The following TINAG variants were observed in gnomAD, a reference collection of about 807,000 sequenced individuals.
TINAG encodes tubulointerstitial nephritis antigen.
Under a neutral mutation model 72.7 loss-of-function variants are expected in TINAG, and 83 were observed. The ratio of observed to expected loss-of-function variants is 1.14; its 90% CI spans 0.96 to 1.37. The LOEUF (loss-of-function observed/expected upper bound fraction) is 1.37, where lower values mean the gene tolerates loss of function less well. TINAG is among the 40% of genes most tolerant of loss of function. TINAG has a pLI of 0.00. For missense variants in TINAG, 685 were observed against 576.6 expected (o/e 1.19, Z -1.93); for synonymous variants, 234 against 189.9 (o/e 1.23, Z -1.91).
intron 3 of TINAG, among the ~76,000 whole-genome samples, chr6:54,323,925 G>T (rs1784548373): frequency 6.6e-6 from 1 of 152,194 alleles, no homozygotes; most frequent in South Asian, 2.1e-4. Flanking sequence ...CTGCACTCCA[G>T]CCTGGGCCAC....
At chr6:54,326,568 A>G (rs1379980684) in intron 3 of TINAG, among the ~76,000 whole-genome samples, 3 of 152,124 alleles carry the variant, frequency 2.0e-5, no homozygotes, top group African/African-American at 4.8e-5. Context: ...GTTCTTCGTA[A>G]GAATCATTAA....
chr6:54,373,266 C>A (rs988566663), intron 9 of TINAG, among the ~76,000 whole-genome samples: 5 of 152,070 alleles, frequency 3.3e-5, no homozygotes, highest in Admixed American at 6.6e-5. Context: ...GCCTACAATC[C>A]CTCTCTCTTC....
rs779731167 is a variant in TINAG at position 54,347,537 on chromosome 6, G to C, written c.899+20G>C. ...ACGTGGGTAAATAGCTGCTCAACAT[G>C]TGTTTCTAGGATTTTTATGAATGAT... is the stretch of plus-strand genomic sequence containing the variant. On this transcript the variant is annotated intron_variant, in intron 6 of 10. Transcript: ENST00000259782. 5 of 1,609,374 alleles carry C rather than the reference G, an allele frequency of 3.1e-6. No individual in the cohort carries two copies. Among genetic ancestry groups the C allele is most frequent in the Non-Finnish European group, 4.2e-6 (5 of 1,177,606 alleles).
intron 6 of TINAG, among the ~76,000 whole-genome samples, chr6:54,349,240 A>T (rs115713878): frequency 0.011 from 1,634 of 152,074 alleles, 38 homozygotes; most frequent in African/African-American, 0.038. Flanking sequence ...TAATAAAAAT[A>T]TACAAACACA....
chr6:54,310,429 C>CCTTCCTTCTTT (rs1562142420), intron 1 of TINAG, among the ~76,000 whole-genome samples: 1 of 150,884 alleles, frequency 6.6e-6, no homozygotes, highest in Non-Finnish European at 1.5e-5. Flanking sequence ...TTCTTTCCTT[C>CCTTCCTTCTTT]CTTCCTTCTT....
At chr6:54,312,725 T>G (rs542317927) in intron 1 of TINAG, among the ~76,000 whole-genome samples, 1 of 152,242 alleles carries the variant, frequency 6.6e-6, no homozygotes, top group East Asian at 1.9e-4. Context: ...AAAACCAGGA[T>G]TTTTTATTTA....
chr6:54,368,843 G>A (rs555194985), intron 9 of TINAG, among the ~76,000 whole-genome samples: 6 of 151,514 alleles, frequency 4.0e-5, no homozygotes, highest in East Asian at 3.9e-4. Flanking sequence ...ATTAAGTACC[G>A]TGCATTTTGT....
intron 8 of TINAG, 31 bp from the exon 9 acceptor site, chr6:54,354,482 G>A (rs1317541930): frequency 6.3e-7 from 1 of 1,578,148 alleles, no homozygotes; most frequent in South Asian, 1.2e-5. Flanking sequence ...TTTTAATACT[G>A]TGCCATTTGT....
chr6:54,383,118 T>C (rs1763998526), intron 10 of TINAG, among the ~76,000 whole-genome samples: 1 of 152,158 alleles, frequency 6.6e-6, no homozygotes, highest in Non-Finnish European at 1.5e-5. Flanking sequence ...AGTTTTGTTA[T>C]CCCTTCAGAT....
intron 3 of TINAG, among the ~76,000 whole-genome samples, chr6:54,322,409 C>G (rs1489176973): frequency 2.6e-5 from 4 of 151,912 alleles, no homozygotes; most frequent in African/African-American, 7.2e-5. Flanking sequence ...GGAAGAGGAA[C>G]AAGCCAGCTG....
intron 1 of TINAG, 60 bp from the exon 2 acceptor site, chr6:54,320,519 T>C: frequency 2.2e-6 from 3 of 1,338,578 alleles, no homozygotes; most frequent in Non-Finnish European, 2.1e-6. Flanking sequence ...TTACATTTTA[T>C]GTTAATGCAC....
At position 54,389,988 on chromosome 6, in the gene TINAG, T is replaced by C; in HGVS notation, c.*63T>C. 6.4e-7 allele frequency: 1 copy of C among 1,573,156 alleles called. No homozygotes were observed. Among genetic ancestry groups the C allele is most frequent in the Non-Finnish European group, 8.6e-7 (1 of 1,163,038 alleles). On this transcript the variant is annotated 3_prime_UTR_variant, in exon 11 of 11. Transcript: ENST00000259782. The stretch of plus-strand genomic sequence containing the variant: ...AACCCCCTAAATTGAAGTTTAGCAA[T>C]ATGACATTCTTGGTGACAGTGGAAT...
At chr6:54,339,176 T>C (rs982986407) in intron 4 of TINAG, among the ~76,000 whole-genome samples, 1 of 152,178 alleles carries the variant, frequency 6.6e-6, no homozygotes, top group Non-Finnish European at 1.5e-5. Context: ...TTAGTTATGA[T>C]TAGGCTCAGC....
chr6:54,349,703 T>C lies in TINAG; in HGVS notation c.900-13T>C. 1 of 1,528,380 alleles carries C rather than the reference T, an allele frequency of 6.5e-7. No homozygotes were observed. Among genetic ancestry groups the C allele is most frequent in the Non-Finnish European group, 8.9e-7 (1 of 1,129,148 alleles). The allele number at this position is 1,528,380 out of a possible 1,614,324, so 94.7% of individuals were successfully genotyped here. On this transcript the variant is annotated splice_polypyrimidine_tract_variant and intron_variant, in intron 6 of 10. Transcript: ENST00000259782. The stretch of plus-strand genomic sequence containing the variant: ...CTAAATATTACCTTTGCTTCTTTGC[T>C]TATTCCTCATAGACTGGTATCCCAC...
intron 3 of TINAG, among the ~76,000 whole-genome samples, chr6:54,322,271 G>A (rs1267099587): frequency 1.3e-5 from 2 of 152,114 alleles, no homozygotes; most frequent in South Asian, 2.1e-4. Context: ...TTGCGCCACT[G>A]CACTCCAGCA....
chr6:54,356,198 C>T (rs1437278965), intron 9 of TINAG, among the ~76,000 whole-genome samples: 1 of 151,700 alleles, frequency 6.6e-6, no homozygotes, highest in Non-Finnish European at 1.5e-5. Flanking sequence ...AATGAAGATA[C>T]ACTCTCTACT....
At position 54,321,323 on chromosome 6, in the gene TINAG, G is replaced by C; in HGVS notation, c.446G>C (p.Cys149Ser). Residue 149 changes from cysteine (C) to serine (S), a missense_variant, in exon 3 of 11, where the codon TGT becomes TCT. Transcript: ENST00000259782. Reference protein sequence around the residue: ...SCTCSGQQWKCSQHVCLVRSE... With the variant: ...SCTCSGQQWKSSQHVCLVRSE... Reference sequence around the variant, plus strand: ...ACATGCTCAGGACAGCAATGGAAATGTTCCCAGCATGTATGCCTTGTTCGT... The same window carrying C: ...ACATGCTCAGGACAGCAATGGAAATCTTCCCAGCATGTATGCCTTGTTCGT... 1 of 1,613,838 alleles carries C rather than the reference G, an allele frequency of 6.2e-7. No homozygotes were observed. The highest frequency in any genetic ancestry group is 8.5e-7 in the Non-Finnish European group (1 of 1,179,858).
chr6:54,381,125 GAT>G (rs1763936132), intron 10 of TINAG, among the ~76,000 whole-genome samples: 1 of 148,098 alleles, frequency 6.8e-6, no homozygotes, highest in South Asian at 2.1e-4. Context: ...TAACCTACAG[GAT>G]ATATATACAC....
chr6:54,357,113 A>G lies in TINAG; in HGVS notation c.1250+2477A>G, dbSNP rs138356133. On this transcript the variant is annotated intron_variant, in intron 9 of 10. Transcript: ENST00000259782. ...AAAAATAGCTATTTCAAGGTTATCA[A>G]AGGCATCCACATTGCTAAATTCATT... 2.9e-3 allele frequency among the ~76,000 whole-genome samples: 436 copies of G among 152,022 alleles called. 1 individual carries two copies. The highest frequency in any genetic ancestry group is 9.8e-3 in the African/African-American group (408 of 41,528).
Sources: allele counts gnomAD v4.1 joint callset (sites outside exome capture counted in the v4.1 genomes callset), GRCh38; gene constraint gnomAD v4.1.1; transcripts MANE v1.5; gene names NCBI Gene and HGNC (gene_info 2026-07-23, HGNC 2026-07-21).